Variants in RIPK1 observed in about 807,000 individuals in gnomAD.
RIPK1 encodes the protein receptor-interacting serine/threonine-protein kinase 1.
RIPK1 carries 27 observed loss-of-function variants against 62.4 expected under a neutral mutation model. The observed-to-expected ratio is 0.43, with a 90% CI of 0.32 to 0.60. RIPK1 has a LOEUF of 0.60. Ranked by LOEUF, RIPK1 falls within the 20% of genes least tolerant of loss-of-function variation. The pLI, the probability that RIPK1 is intolerant of heterozygous loss-of-function variation, is 0.07. For missense variants in RIPK1, 735 were observed against 831.0 expected (o/e 0.88, Z 1.42); for synonymous variants, 287 against 303.2 (o/e 0.95, Z 0.55).
At chr6:3,087,531 G>A (rs1310978302) in intron 6 of RIPK1, among the ~76,000 whole-genome samples, 2 of 146,844 alleles carry the variant, frequency 1.4e-5, no homozygotes, top group East Asian at 3.9e-4. Flanking sequence ...GTTTCTCCTC[G>A]ATTCCACAGT....
chr6:3,089,734 G>A (rs1197315116), intron 7 of RIPK1, 77 bp downstream of exon 7: 13 of 841,526 alleles, frequency 1.5e-5, no homozygotes, highest in Non-Finnish European at 2.2e-5. Context: ...AAAACAAAGT[G>A]ATTTGTTATT....
At chr6:3,099,890 G>A (rs941491473) in intron 7 of RIPK1, among the ~76,000 whole-genome samples, 2 of 152,200 alleles carry the variant, frequency 1.3e-5, no homozygotes, top group Admixed American at 6.5e-5. Flanking sequence ...ACTCAAAGAT[G>A]TAGTTTCCAT....
At chr6:3,066,300 A>C (rs947733503), upstream of RIPK1, among the ~76,000 whole-genome samples, 7 of 152,246 alleles carry the variant, frequency 4.6e-5, no homozygotes, top group Admixed American at 4.6e-4. Flanking sequence ...CTAGGATTAC[A>C]GGTGTGAGCC....
chr6:3,088,994 T>A (rs1452237120), intron 6 of RIPK1, among the ~76,000 whole-genome samples: 1 of 152,204 alleles, frequency 6.6e-6, no homozygotes, highest in African/African-American at 2.4e-5. Context: ...ATCGTGTGTT[T>A]CATCTGATCC....
Position 3,105,590 on chromosome 6 carries a change from C to A in RIPK1, c.1115C>A (p.Pro372His), listed in dbSNP as rs1224302338. Residue 372 changes from proline to histidine, a missense_variant, in exon 9 of 11, where the codon CCC (proline) becomes CAC (histidine). By Grantham distance (77) the Pro-to-His change is moderately conservative. Around this residue, in one of 2 missense-constraint regions of RIPK1, gnomAD observed 671 missense variants for 726.2 expected, o/e 0.92. Coordinates refer to ENST00000259808, the MANE Select transcript of RIPK1 (RefSeq NM_001354930.2). This position sits in a 1 kb window ranked among gnomAD's most constrained non-coding sequence, Gnocchi z 4.5. ...SLEHPQEENEPSLQSKLQDEA... is the reference protein window; with the variant it reads ...SLEHPQEENEHSLQSKLQDEA... ...GAGCACCCACAAGAAGAGAATGAGCCCAGCCTGCAGAGTAAACTCCAAGAC... is the reference window on the plus strand; with the variant it reads ...GAGCACCCACAAGAAGAGAATGAGCACAGCCTGCAGAGTAAACTCCAAGAC... The A allele has an allele frequency of 6.2e-7, 1 of 1,613,802 alleles. No homozygotes were observed. The highest frequency in any genetic ancestry group is 8.5e-7 in the Non-Finnish European group (1 of 1,179,928).
Position 3,085,494 on chromosome 6 carries a change from C to T in RIPK1, c.838+86C>T, listed in dbSNP as rs1311630487. 3.6e-6 allele frequency: 5 copies of T among 1,405,150 alleles called. No homozygotes were observed. The East Asian group carries it at 7.0e-5, about 20-fold the overall frequency. 87.0% of individuals were successfully genotyped at this position (1,405,150 alleles called of 1,614,324 possible). Reference sequence around the variant, plus strand: ...TATTGTTAGGAACTTGGTTTGAATCCTCAGAAAACTGAGTTCGACTTGACT... The same window carrying T: ...TATTGTTAGGAACTTGGTTTGAATCTTCAGAAAACTGAGTTCGACTTGACT... On this transcript the variant is annotated intron_variant, in intron 6 of 10. Coordinates refer to ENST00000259808, the MANE Select transcript of RIPK1 (RefSeq NM_001354930.2).
upstream of RIPK1, among the ~76,000 whole-genome samples, chr6:3,064,553 A>G (rs1758293598): frequency 6.6e-6 from 1 of 152,194 alleles, no homozygotes; most frequent in Non-Finnish European, 1.5e-5. Context: ...GAGAATCTGC[A>G]GAGCCAGGCT....
intron 7 of RIPK1, among the ~76,000 whole-genome samples, chr6:3,101,676 C>T (rs954999279): frequency 6.6e-6 from 1 of 151,864 alleles, no homozygotes; most frequent in Non-Finnish European, 1.5e-5. Flanking sequence ...AACATTTTAT[C>T]TTTGGGTGTA....
chr6:3,072,390 CATAT>C lies in RIPK1; in HGVS notation c.-61+3741_-61+3744del, dbSNP rs34461556. Among the ~76,000 whole-genome samples, 53,924 of 150,978 alleles carry C rather than the reference CATAT, an allele frequency of 0.36. 11,323 individuals are homozygous for C. Among genetic ancestry groups the C allele is most frequent in the Non-Finnish European group, 0.48 (32,257 of 67,734 alleles). ...CTGTACTTATATCTTTATCTATTTA[CATAT>C]ATATATATATAAAACACACACAAAT... On this transcript the variant is annotated intron_variant, in intron 1 of 10. Transcript: ENST00000259808. The surrounding 1 kb of genome is among the most constrained non-coding windows in gnomAD (Gnocchi z 5.6).
At chr6:3,100,622 ACT>A (rs1207447687) in intron 7 of RIPK1, among the ~76,000 whole-genome samples, 4 of 151,592 alleles carry the variant, frequency 2.6e-5, no homozygotes, top group African/African-American at 9.7e-5. Flanking sequence ...AGACGGTCTT[ACT>A]CTGTCACCCA....
intron 6 of RIPK1, among the ~76,000 whole-genome samples, chr6:3,089,319 C>A (rs764746485): frequency 1.8e-4 from 28 of 152,142 alleles, no homozygotes; most frequent in Admixed American, 5.9e-4. Context: ...TGTGTTGCAG[C>A]CAGAGAAACT....
chr6:3,082,681 C>T (rs1371431842), intron 4 of RIPK1, among the ~76,000 whole-genome samples: 2 of 152,202 alleles, frequency 1.3e-5, no homozygotes, highest in Admixed American at 1.3e-4. Flanking sequence ...TAGCCACTGT[C>T]TGCTGCATAA....
rs1758742927 is a variant in RIPK1, at chr6:3,072,089, A to G, written c.-61+3428A>G. Among the ~76,000 whole-genome samples the G allele has an allele frequency of 6.6e-6, 1 of 152,216 alleles. No individual in the cohort carries two copies. The highest frequency in any genetic ancestry group is 2.4e-5 in the African/African-American group (1 of 41,442). Reference sequence around the variant, plus strand: ...ACTGATTCTCTCCTCTGTACATGCTAAGTGTTTTACCTACTTTTGCTGTTC... The same window carrying G: ...ACTGATTCTCTCCTCTGTACATGCTGAGTGTTTTACCTACTTTTGCTGTTC... On this transcript the variant is annotated intron_variant, in intron 1 of 10. Transcript: ENST00000259808. The surrounding 1 kb of genome is among the most constrained non-coding windows in gnomAD (Gnocchi z 5.6).
chr6:3,074,089 G>A (rs1581380918), intron 1 of RIPK1, among the ~76,000 whole-genome samples: 1 of 152,286 alleles, frequency 6.6e-6, no homozygotes. Flanking sequence ...CTGTTGTTGG[G>A]AGTACATCTG....
rs1353826496 is a variant in RIPK1 at position 3,085,417 on chromosome 6, A to T, written c.838+9A>T. On this transcript the variant is annotated intron_variant, in intron 6 of 10. Coordinates refer to ENST00000259808, the MANE Select transcript of RIPK1 (RefSeq NM_001354930.2). ...TCGGCCGACATTTCCTGGTAAGAGC[A>T]TCTTTTCTGACTGTGTAGGATGCAT... The T allele has an allele frequency of 3.1e-6, 5 of 1,613,950 alleles. No homozygotes were observed. Among genetic ancestry groups the T allele is most frequent in the Non-Finnish European group, 4.2e-6 (5 of 1,179,964 alleles).
At chr6:3,107,400 CAAAA>C (rs1167089664) in intron 9 of RIPK1, among the ~76,000 whole-genome samples, 6 of 55,300 alleles carry the variant, frequency 1.1e-4, no homozygotes, top group South Asian at 5.4e-4. Flanking sequence ...ACTAAAAATA[CAAAA>C]AAAAAAAAAA....
chr6:3,082,954 C>A, intron 4 of RIPK1, 131 bp from the exon 5 acceptor site: 1 of 783,008 alleles, frequency 1.3e-6, no homozygotes, highest in Non-Finnish European at 2.2e-6. Context: ...TGTTTTGAAC[C>A]TGCCCAGTGC....
At chr6:3,107,822 T>C (rs967755895) in intron 9 of RIPK1, among the ~76,000 whole-genome samples, 1 of 152,090 alleles carries the variant, frequency 6.6e-6, no homozygotes, top group African/African-American at 2.4e-5. Flanking sequence ...TTCCTGGTTC[T>C]GCCAGTGACA....
At chr6:3,086,168 G>C (rs1759680648) in intron 6 of RIPK1, among the ~76,000 whole-genome samples, 1 of 152,168 alleles carries the variant, frequency 6.6e-6, no homozygotes, top group Non-Finnish European at 1.5e-5. Context: ...CTATGGTGTG[G>C]ATGTACCACG....
Sources: gnomAD v4.1 joint callset for allele counts (sites outside exome capture counted in the v4.1 genomes callset) on GRCh38, gnomAD v4.1.1 for gene constraint, gnomAD v4.1.1 regional missense constraint, Gnocchi (gnomAD v3.1) non-coding constraint, MANE v1.5 for transcripts, NCBI Gene and HGNC (gene_info 2026-07-23, HGNC 2026-07-21) for gene names.